The following ADAMTS6 variants were observed in gnomAD, a reference collection of about 807,000 sequenced individuals.
ADAMTS6 encodes A disintegrin and metalloproteinase with thrombospondin motifs 6.
Under a neutral mutation model 144.3 loss-of-function variants are expected in ADAMTS6, and 23 were observed. That is an observed-to-expected ratio of 0.16 (90% CI 0.11 to 0.23). The LOEUF is 0.23. Among genes scored for constraint, ADAMTS6 ranks in the 10% least tolerant of loss-of-function variants. The pLI is 1.00. For synonymous variants in ADAMTS6, 444 were observed against 457.5 expected (o/e 0.97, Z 0.38); for missense variants, 999 against 1,379.6 (o/e 0.72, Z 4.37).
intron 7 of ADAMTS6, among the ~76,000 whole-genome samples, chr5:65,401,820 T>C (rs899525990): frequency 6.6e-6 from 1 of 152,176 alleles, no homozygotes; most frequent in Admixed American, 6.6e-5. Flanking sequence ...TAGGATAGAG[T>C]GGCAACTTCA....
intron 7 of ADAMTS6, among the ~76,000 whole-genome samples, chr5:65,376,090 A>G (rs1308936757): frequency 6.7e-6 from 1 of 150,346 alleles, no homozygotes; most frequent in Non-Finnish European, 1.5e-5. Context: ...GAAGGGGAAC[A>G]TCACACTCTG....
At chr5:65,384,531 T>G (rs1324162644) in intron 7 of ADAMTS6, among the ~76,000 whole-genome samples, 1 of 152,196 alleles carries the variant, frequency 6.6e-6, no homozygotes, top group Non-Finnish European at 1.5e-5. Flanking sequence ...AATAACATAT[T>G]CCTCATTTCC....
intron 9 of ADAMTS6, among the ~76,000 whole-genome samples, chr5:65,324,974 C>CT (rs1746024887): frequency 6.6e-6 from 1 of 152,162 alleles, no homozygotes; most frequent in East Asian, 1.9e-4. Context: ...AAGTGAACTA[C>CT]TGATAGACAC....
intron 24 of ADAMTS6, among the ~76,000 whole-genome samples, chr5:65,155,419 C>T (rs897653220): frequency 2.0e-5 from 3 of 152,132 alleles, no homozygotes; most frequent in Admixed American, 1.3e-4. Flanking sequence ...TGCTCCTGGG[C>T]TACAAACCTG....
At chr5:65,374,846 C>G (rs1224366751) in intron 7 of ADAMTS6, among the ~76,000 whole-genome samples, 5 of 152,192 alleles carry the variant, frequency 3.3e-5, no homozygotes, top group Non-Finnish European at 7.3e-5. Flanking sequence ...ATCACACTAC[C>G]TGACTTCAAA....
At chr5:65,401,185 G>A (rs1753883802) in intron 7 of ADAMTS6, among the ~76,000 whole-genome samples, 1 of 152,160 alleles carries the variant, frequency 6.6e-6, no homozygotes, top group African/African-American at 2.4e-5. Flanking sequence ...AAGGTGTGGG[G>A]AAAGGGGAAA....
At chr5:65,198,378 T>C (rs1187679732) in intron 20 of ADAMTS6, among the ~76,000 whole-genome samples, 1 of 151,998 alleles carries the variant, frequency 6.6e-6, no homozygotes, top group Non-Finnish European at 1.5e-5. Flanking sequence ...AACAGTGTGA[T>C]CACAAATTAG....
chr5:65,320,003 C>T (rs1277948703), intron 9 of ADAMTS6, among the ~76,000 whole-genome samples: 1 of 152,058 alleles, frequency 6.6e-6, no homozygotes, highest in Non-Finnish European at 1.5e-5. Context: ...GCCACCACAC[C>T]TGGCTTATTT....
intron 21 of ADAMTS6, among the ~76,000 whole-genome samples, chr5:65,193,277 A>T (rs1026567158): frequency 6.6e-6 from 1 of 152,062 alleles, no homozygotes; most frequent in Non-Finnish European, 1.5e-5. Flanking sequence ...CATGGAAAAT[A>T]GACGACAAAC....
At chr5:65,392,017 T>C (rs1752962989) in intron 7 of ADAMTS6, among the ~76,000 whole-genome samples, 1 of 152,188 alleles carries the variant, frequency 6.6e-6, no homozygotes, top group South Asian at 2.1e-4. Flanking sequence ...ATTATAGGCA[T>C]GAACCACCGC....
At chr5:65,403,913 C>T (rs931550522) in intron 7 of ADAMTS6, among the ~76,000 whole-genome samples, 1 of 151,948 alleles carries the variant, frequency 6.6e-6, no homozygotes, top group African/African-American at 2.4e-5. Context: ...ATGTTCACTC[C>T]TATATTTCAG....
chr5:65,372,320 TAAAG>T (rs1383483556), intron 7 of ADAMTS6, among the ~76,000 whole-genome samples: 2 of 151,716 alleles, frequency 1.3e-5, no homozygotes, highest in African/African-American at 4.9e-5. Flanking sequence ...GCAAATTGGA[TAAAG>T]AGTCAAGACC....
intron 4 of ADAMTS6, among the ~76,000 whole-genome samples, chr5:65,453,563 G>A (rs962201231): frequency 3.2e-4 from 49 of 152,268 alleles, no homozygotes; most frequent in Middle Eastern, 3.4e-3. Context: ...GAAAGATCAC[G>A]ATTCCAGCAT....
At chr5:65,269,790 C>CTTTT (rs897216515) in intron 12 of ADAMTS6, among the ~76,000 whole-genome samples, 1 of 133,210 alleles carries the variant, frequency 7.5e-6, no homozygotes, top group Non-Finnish European at 1.6e-5. Flanking sequence ...AGTGTAAGTA[C>CTTTT]TTTTTTTTTT....
chr5:65,270,544 T>C (rs1332077233), intron 12 of ADAMTS6, among the ~76,000 whole-genome samples: 4 of 152,232 alleles, frequency 2.6e-5, no homozygotes, highest in Non-Finnish European at 5.9e-5. Flanking sequence ...ATAAGGTTAT[T>C]CTGAGGACCA....
chr5:65,244,842 G>A (rs1342671525), intron 14 of ADAMTS6, among the ~76,000 whole-genome samples: 1 of 152,080 alleles, frequency 6.6e-6, no homozygotes, highest in Non-Finnish European at 1.5e-5. Context: ...TCCTTAAAAT[G>A]TACAAAAACC....
chr5:65,249,063 T>TA (rs752827329), intron 14 of ADAMTS6, among the ~76,000 whole-genome samples: 2 of 152,008 alleles, frequency 1.3e-5, no homozygotes, highest in Non-Finnish European at 2.9e-5. Context: ...TACAGGTAGT[T>TA]AGATAGGCAT....
At chr5:65,407,037 T>G (rs920952561) in intron 7 of ADAMTS6, among the ~76,000 whole-genome samples, 3 of 152,038 alleles carry the variant, frequency 2.0e-5, no homozygotes, top group African/African-American at 7.3e-5. Flanking sequence ...ACAGGGAGAA[T>G]GGAACCAAGT....
chr5:65,424,700 GA>G (rs1253489637), intron 7 of ADAMTS6, among the ~76,000 whole-genome samples: 2 of 151,432 alleles, frequency 1.3e-5, no homozygotes, highest in African/African-American at 2.4e-5. Context: ...GGTCTGTTTA[GA>G]AAAAAAAGTA....
Sources: gnomAD v4.1 joint callset for allele counts (sites outside exome capture counted in the v4.1 genomes callset) on GRCh38, gnomAD v4.1.1 for gene constraint, MANE v1.5 for transcripts, NCBI Gene and HGNC (gene_info 2026-07-23, HGNC 2026-07-21) for gene names.